CD83: variants seen among roughly 807,000 people sequenced by gnomAD.
The protein encoded by CD83 is CD83 antigen.
In CD83, 22 loss-of-function variants were observed where a neutral mutation model predicts 24.6. The ratio of observed to expected loss-of-function variants is 0.90; its 90% confidence interval spans 0.64 to 1.28. The LOEUF (loss-of-function observed/expected upper bound fraction) is 1.28, where lower values mean the gene tolerates loss of function less well. CD83 is among the 50% of genes most tolerant of loss of function. CD83 has a pLI of 0.00. For missense variants in CD83, 253 were observed against 252.8 expected (o/e 1.00, Z -0.01); for synonymous variants, 101 against 103.5 (o/e 0.98, Z 0.14).
At chr6:14,130,358 G>T (rs1411820169) in intron 2 of CD83, among the ~76,000 whole-genome samples, 2 of 152,228 alleles carry the variant, frequency 1.3e-5, no homozygotes, top group Admixed American at 1.3e-4. Context: ...AGAATTAATG[G>T]TGAATGTGGT....
chr6:14,117,699 G>T, upstream of CD83: 1 of 738,184 alleles, frequency 1.4e-6, no homozygotes, highest in Non-Finnish European at 2.0e-6. This position sits in a 1 kb window ranked among gnomAD's most constrained non-coding sequence, Gnocchi z 4.6. Context: ...GCCCGCCGGG[G>T]AATCCCCCGG....
At position 14,135,232 on chromosome 6, in the gene CD83, T is replaced by C. The variant is rs1470081504; in HGVS notation, c.614T>C (p.Val205Ala). 2 of 1,613,968 alleles carry C rather than the reference T, an allele frequency of 1.2e-6. No individual in the cohort carries two copies. Among genetic ancestry groups the C allele is most frequent in the Non-Finnish European group, 1.7e-6 (2 of 1,179,898 alleles). ...GLVTPHKTEL[V>A] ...GTGACTCCTCACAAGACAGAACTGG[T>C]ATGAGCAGGATTTCTGCAGGTTCTT... The change falls in exon 5 of 5, where the codon GTA (valine) becomes GCA (alanine). Residue 205 changes from valine (V) to alanine (A), a missense_variant. Physicochemically the swap from Val to Ala is moderately conservative, Grantham distance 64. Transcript: ENST00000379153.
chr6:14,125,902 A>G (rs577687093), intron 2 of CD83, among the ~76,000 whole-genome samples: 2 of 152,350 alleles, frequency 1.3e-5, no homozygotes, highest in African/African-American at 4.8e-5. Flanking sequence ...CCCAGAGGAG[A>G]CGGGAAGTGT....
At chr6:14,118,237 G>C (rs550523855) in intron 2 of CD83, among the ~76,000 whole-genome samples, 172 bp downstream of exon 2, 68 of 152,204 alleles carry the variant, frequency 4.5e-4, no homozygotes, top group African/African-American at 1.5e-3. Context: ...CACCCCATCC[G>C]CATCCAGGTA....
At chr6:14,130,716 G>C (rs1246242999) in intron 2 of CD83, among the ~76,000 whole-genome samples, 1 of 152,164 alleles carries the variant, frequency 6.6e-6, no homozygotes, top group Non-Finnish European at 1.5e-5. Context: ...CTGGGTGATA[G>C]AGCGAGACCC....
Position 14,133,721 on chromosome 6 carries a change from T to C in CD83, c.455T>C (p.Val152Ala). The C allele has an allele frequency of 6.2e-7, 1 of 1,613,140 alleles. No individual in the cohort carries two copies. Among genetic ancestry groups the C allele is most frequent in the African/African-American group, 1.3e-5 (1 of 74,926 alleles). Residue 152 changes from valine (V) to alanine (A), a missense_variant, in exon 4 of 5, where the codon GTT becomes GCT. Coordinates refer to ENST00000379153, the MANE Select transcript of CD83 (RefSeq NM_004233.4). ...GAGATTGTCCTGCTGCTGGCTCTGG[T>C]TATTTTCTACTTAACACTCATCATT... is the stretch of plus-strand genomic sequence containing the variant. The part of the protein sequence containing the change: ...RAEIVLLLAL[V>A]IFYLTLIIFT...
chr6:14,123,752 A>G (rs917038749), intron 2 of CD83, among the ~76,000 whole-genome samples: 3 of 25,336 alleles, frequency 1.2e-4, no homozygotes, highest in Admixed American at 5.1e-4. Context: ...AGTTAAATTG[A>G]AAAAAAAAAA....
chr6:14,135,291 CTG>C lies in CD83; in HGVS notation c.*57_*58del, dbSNP rs1212836186. 58 of 1,574,258 alleles carry C rather than the reference CTG, an allele frequency of 3.7e-5. No individual in the cohort carries two copies. The East Asian group carries it at 1.3e-3, about 35-fold the overall frequency. The stretch of plus-strand genomic sequence containing the variant: ...AGCTGAGGCTCAGGGGTGTGCCTGT[CTG>C]TTACACTGGAGGAGAGAAGAATGAG... On this transcript the variant is annotated 3_prime_UTR_variant, in exon 5 of 5. Coordinates refer to ENST00000379153, the MANE Select transcript of CD83 (RefSeq NM_004233.4).
chr6:14,133,058 C>T (rs1212935242), intron 3 of CD83, among the ~76,000 whole-genome samples: 2 of 152,230 alleles, frequency 1.3e-5, no homozygotes, highest in Non-Finnish European at 2.9e-5. Context: ...TTCCACCCAA[C>T]CATGCTGGCA....
chr6:14,133,776 T>C, intron 4 of CD83, 21 bp downstream of exon 4: 2 of 1,466,468 alleles, frequency 1.4e-6, no homozygotes, highest in South Asian at 2.3e-5. Flanking sequence ...TCTTAAAACA[T>C]CTTCTCTTAT....
intron 4 of CD83, among the ~76,000 whole-genome samples, chr6:14,134,226 A>G (rs1757990224): frequency 6.6e-6 from 1 of 152,088 alleles, no homozygotes; most frequent in African/African-American, 2.4e-5. Context: ...TATTTTTGGT[A>G]TTTCTGCCCA....
chr6:14,131,609 T>C lies in CD83; in HGVS notation c.243T>C (p.Ser81=), dbSNP rs1302189705. 2 of 1,614,112 alleles carry C rather than the reference T, an allele frequency of 1.2e-6. No individual in the cohort carries two copies. The highest frequency in any genetic ancestry group is 2.7e-5 in the African/African-American group (2 of 75,008). The change falls in exon 3 of 5, where the codon TCT becomes TCC. Residue 81 remains serine (S), a synonymous_variant. Transcript: ENST00000379153. ...QHYHQKGQNG[S]FDAPNERPYS... is the part of the protein sequence containing the mutation. ...ATCATCAGAAGGGGCAAAATGGTTC[T>C]TTCGACGCCCCCAATGAAAGGCCCT...
chr6:14,129,785 G>A lies in CD83; in HGVS notation c.154-1735G>A, dbSNP rs540950296. Reference sequence around the variant, plus strand: ...ACCAGGGCTGGAGCCTGAGCTTTCCGGTGACCTTGTGGTATATGCTCTGAA... The same window carrying A: ...ACCAGGGCTGGAGCCTGAGCTTTCCAGTGACCTTGTGGTATATGCTCTGAA... On this transcript the variant is annotated intron_variant, in intron 2 of 4. Coordinates refer to ENST00000379153, the MANE Select transcript of CD83 (RefSeq NM_004233.4). The surrounding 1 kb of genome is among the most constrained non-coding windows in gnomAD (Gnocchi z 4.3). 1.3e-5 allele frequency among the ~76,000 whole-genome samples: 2 copies of A among 152,004 alleles called. No homozygotes were observed. The highest frequency in any genetic ancestry group is 3.9e-4 in the East Asian group (2 of 5,162).
chr6:14,119,982 C>G (rs1001454806), intron 2 of CD83, among the ~76,000 whole-genome samples: 1 of 152,174 alleles, frequency 6.6e-6, no homozygotes, highest in Non-Finnish European at 1.5e-5. Context: ...AACTCGGTAA[C>G]GCATGAGCTT....
rs142643852 is a variant in CD83, at chr6:14,131,650, G to A, written c.284G>A (p.Arg95Gln). 3.3e-5 allele frequency: 54 copies of A among 1,614,010 alleles called. No individual in the cohort carries two copies. In the African/African-American group the frequency reaches 5.9e-4, roughly 18 times the overall value. Residue 95 changes from arginine (R) to glutamine (Q), a missense_variant, in exon 3 of 5, where the codon CGA becomes CAA. Physicochemically the swap from Arg to Gln is conservative, Grantham distance 43. Transcript: ENST00000379153. Reference protein sequence around the residue: ...PNERPYSLKIRNTTSCNSGTY... With the variant: ...PNERPYSLKIQNTTSCNSGTY... ...GAAAGGCCCTATTCCCTGAAGATCCGAAACACTACCAGCTGCAACTCGGGG... is the reference window on the plus strand; with the variant it reads ...GAAAGGCCCTATTCCCTGAAGATCCAAAACACTACCAGCTGCAACTCGGGG...
chr6:14,117,444 C>T (rs934458647), upstream of CD83: 1 of 151,994 alleles, frequency 6.6e-6, no homozygotes, highest in African/African-American at 2.4e-5. The surrounding 1 kb of genome is among the most constrained non-coding windows in gnomAD (Gnocchi z 4.6). Flanking sequence ...GTCACGCGCG[C>T]GAGCGCGGTC....
intron 4 of CD83, 57 bp downstream of exon 4, chr6:14,133,812 C>A: frequency 1.8e-6 from 2 of 1,134,122 alleles, no homozygotes; most frequent in Non-Finnish European, 2.7e-6. Context: ...GGCACCAATC[C>A]AAGTATCTCT....
At position 14,135,286 on chromosome 6, in the gene CD83, CCTGT is replaced by C. The variant is rs533063525; in HGVS notation, c.*55_*58del. On this transcript the variant is annotated 3_prime_UTR_variant, in exon 5 of 5. Transcript: ENST00000379153. ...CCTGAAGCTGAGGCTCAGGGGTGTG[CCTGT>C]CTGTTACACTGGAGGAGAGAAGAAT... 7.8e-5 allele frequency: 125 copies of C among 1,594,688 alleles called. No homozygotes were observed. In the African/African-American group the frequency reaches 1.6e-3, roughly 21 times the overall value.
Position 14,135,267 on chromosome 6 carries a change from G to A in CD83, c.*31G>A. 1 of 1,610,148 alleles carries A rather than the reference G, an allele frequency of 6.2e-7. No individual in the cohort carries two copies. Among genetic ancestry groups the A allele is most frequent in the South Asian group, 1.1e-5 (1 of 90,934 alleles). Reference sequence around the variant, plus strand: ...ATTTCTGCAGGTTCTTCTTCCTGAAGCTGAGGCTCAGGGGTGTGCCTGTCT... The same window carrying A: ...ATTTCTGCAGGTTCTTCTTCCTGAAACTGAGGCTCAGGGGTGTGCCTGTCT... On this transcript the variant is annotated 3_prime_UTR_variant, in exon 5 of 5. Transcript: ENST00000379153.
Sources: allele counts gnomAD v4.1 joint callset (sites outside exome capture counted in the v4.1 genomes callset), GRCh38; gene constraint gnomAD v4.1.1; non-coding constraint Gnocchi (gnomAD v3.1); transcripts MANE v1.5; gene names NCBI Gene and HGNC (gene_info 2026-07-23, HGNC 2026-07-21).